Variants in CENPP observed in about 807,000 individuals in gnomAD.
CENPP encodes the protein centromere protein P.
Under a neutral mutation model 35.6 loss-of-function variants are expected in CENPP, and 24 were observed. That is an observed-to-expected ratio of 0.67 (90% CI 0.49 to 0.95). The LOEUF (loss-of-function observed/expected upper bound fraction) is 0.95, where lower values mean the gene tolerates loss of function less well. CENPP is among the 40% of genes least tolerant of loss of function. The pLI is 0.00. For synonymous variants in CENPP, 120 were observed against 125.5 expected (o/e 0.96, Z 0.29); for missense variants, 332 against 345.3 (o/e 0.96, Z 0.31).
chr9:92,386,505 G>C (rs1176690827), intron 5 of CENPP, among the ~76,000 whole-genome samples: 2 of 151,942 alleles, frequency 1.3e-5, no homozygotes, highest in Admixed American at 6.6e-5. Context: ...GATCCTTTAT[G>C]ATGGCCAGTG....
At chr9:92,417,161 T>C (rs1843638927) in intron 5 of CENPP, 1 of 1,613,784 alleles carries the variant, frequency 6.2e-7, no homozygotes, top group African/African-American at 1.3e-5. Flanking sequence ...CACACCATAA[T>C]CAATCTTTTG....
rs1455792362 is a variant in CENPP at position 92,484,649 on chromosome 9, A to T, written c.564+104790A>T. The stretch of plus-strand genomic sequence containing the variant: ...TTCTCTTTAAAAATTAGGCTTTCCC[A>T]GTCTGTGATTTCTGGTTTTGCATGG... On this transcript the variant is annotated intron_variant, in intron 5 of 7. Coordinates refer to ENST00000375587, the MANE Select transcript of CENPP (RefSeq NM_001012267.3). Among the ~76,000 whole-genome samples, 3 of 152,188 alleles carry T rather than the reference A, an allele frequency of 2.0e-5. No individual in the cohort carries two copies. The East Asian group carries it at 5.8e-4, about 29-fold the overall frequency.
Position 92,616,984 on chromosome 9 carries a change from C to T in CENPP, c.*3835C>T, listed in dbSNP as rs965140425. On this transcript the variant is annotated 3_prime_UTR_variant, in exon 8 of 8. Coordinates refer to ENST00000375587, the MANE Select transcript of CENPP (RefSeq NM_001012267.3). ...GAGAGGAAATACTGATCAGCACGTC[C>T]CTGCTCTGACGCTGCTCACCATGGC... 11 of 152,254 alleles carry T rather than the reference C, an allele frequency of 7.2e-5. No individual in the cohort carries two copies. The highest frequency in any genetic ancestry group is 2.7e-4 in the African/African-American group (11 of 41,442). The allele number at this position is 152,254 out of a possible 1,614,324, so 9.4% of individuals were successfully genotyped here. A position where few individuals can be genotyped will look rare whatever the true frequency, so the allele number is the denominator to read the frequency against.
At chr9:92,563,116 A>G (rs1025927221) in intron 5 of CENPP, among the ~76,000 whole-genome samples, 7 of 152,218 alleles carry the variant, frequency 4.6e-5, no homozygotes, top group Non-Finnish European at 5.9e-5. Context: ...TGGCATTTTT[A>G]TAAGAATTGT....
chr9:92,539,574 C>T (rs1849269909), intron 5 of CENPP, among the ~76,000 whole-genome samples: 2 of 151,872 alleles, frequency 1.3e-5, no homozygotes, highest in African/African-American at 2.4e-5. Context: ...GCTTTGAAGG[C>T]TCTTGGTCTT....
intron 5 of CENPP, among the ~76,000 whole-genome samples, chr9:92,595,302 C>T (rs1029533568): frequency 2.6e-5 from 4 of 152,154 alleles, no homozygotes; most frequent in Non-Finnish European, 5.9e-5. Flanking sequence ...AGTGCATTGG[C>T]ACAAACATGG....
At chr9:92,421,840 A>G (rs1457297538) in intron 5 of CENPP, among the ~76,000 whole-genome samples, 1 of 152,160 alleles carries the variant, frequency 6.6e-6, no homozygotes, top group Non-Finnish European at 1.5e-5. Context: ...AGAGGGTAAT[A>G]TCCTTTATAG....
intron 7 of CENPP, 103 bp from the exon 8 acceptor site, chr9:92,612,916 C>T (rs1345912613): frequency 1.3e-5 from 17 of 1,358,994 alleles, no homozygotes; most frequent in Middle Eastern, 2.5e-4. Flanking sequence ...TGCAGCTAGT[C>T]GGGAGGAGTG....
chr9:92,358,955 T>TC (rs369291891), intron 4 of CENPP, among the ~76,000 whole-genome samples: 118 of 149,038 alleles, frequency 7.9e-4, no homozygotes, highest in African/African-American at 2.5e-3. Flanking sequence ...TTTCTTTCTT[T>TC]TTTTTTTTTT....
chr9:92,617,913 G>T lies in CENPP; in HGVS notation c.*4764G>T, dbSNP rs1288801869. 2 of 272,850 alleles carry T rather than the reference G, an allele frequency of 7.3e-6. No homozygotes were observed. The highest frequency in any genetic ancestry group is 4.4e-5 in the African/African-American group (2 of 45,250). The allele number at this position is 272,850 out of a possible 1,614,324, so 16.9% of individuals were successfully genotyped here. On this transcript the variant is annotated 3_prime_UTR_variant, in exon 8 of 8. Coordinates refer to ENST00000375587, the MANE Select transcript of CENPP (RefSeq NM_001012267.3). The stretch of plus-strand genomic sequence containing the variant: ...GGGCAGAAACAGTAGTGCAGAGCTG[G>T]AGAAGCCTTTATTTTAGGGGGTGTA...
chr9:92,556,919 T>C (rs1849736371), intron 5 of CENPP, among the ~76,000 whole-genome samples: 1 of 152,224 alleles, frequency 6.6e-6, no homozygotes. Flanking sequence ...TTTTGTTTTA[T>C]AGGTCCTGTG....
Position 92,534,828 on chromosome 9 carries a change from A to G in CENPP, c.565-76486A>G, listed in dbSNP as rs377351577. 3.3e-4 allele frequency among the ~76,000 whole-genome samples: 50 copies of G among 152,308 alleles called. No individual in the cohort carries two copies. The South Asian group carries it at 8.9e-3, about 27-fold the overall frequency. ...ATCATAAGTGCTCTGCAATGCATGA[A>G]ATGTATACATTGAAATTTTCTTGCA... On this transcript the variant is annotated intron_variant, in intron 5 of 7. Transcript: ENST00000375587.
rs1440971012 is a variant in CENPP, at chr9:92,345,685, T to C, written c.379-14T>C. The C allele has an allele frequency of 6.8e-7, 1 of 1,460,394 alleles. No individual in the cohort carries two copies. The highest frequency in any genetic ancestry group is 9.5e-7 in the Non-Finnish European group (1 of 1,052,514). 90.5% of individuals were successfully genotyped at this position (1,460,394 alleles called of 1,614,324 possible). On this transcript the variant is annotated splice_polypyrimidine_tract_variant and intron_variant, in intron 3 of 7. Coordinates refer to ENST00000375587, the MANE Select transcript of CENPP (RefSeq NM_001012267.3). ...TACTGTGCTTTGATACAGAAATTTT[T>C]ATCTTTATTTTAGAATAAGGAGAGA...
Position 92,541,863 on chromosome 9 carries a change from G to A in CENPP, c.565-69451G>A, listed in dbSNP as rs571270843. 3.3e-5 allele frequency among the ~76,000 whole-genome samples: 5 copies of A among 151,936 alleles called. No homozygotes were observed. The South Asian group carries it at 8.3e-4, about 25-fold the overall frequency. ...GGCTAGAGTGCAGTGGTGCAATCTC[G>A]GCTCACTGCAACCTCCGCCTCCCAG... On this transcript the variant is annotated intron_variant, in intron 5 of 7. Transcript: ENST00000375587.
At chr9:92,549,291 A>G (rs1451966089) in intron 5 of CENPP, among the ~76,000 whole-genome samples, 1 of 152,178 alleles carries the variant, frequency 6.6e-6, no homozygotes, top group Non-Finnish European at 1.5e-5. Context: ...TCTCATAACC[A>G]AAACTGTCCA....
chr9:92,367,520 C>T (rs1382483891), intron 4 of CENPP, among the ~76,000 whole-genome samples: 1 of 152,098 alleles, frequency 6.6e-6, no homozygotes, highest in Non-Finnish European at 1.5e-5. Flanking sequence ...CAGAATGCCT[C>T]CTTATCCCTA....
At position 92,613,076 on chromosome 9, in the gene CENPP, T is replaced by G; in HGVS notation, c.794T>G (p.Leu265Arg). 1 of 1,614,180 alleles carries G rather than the reference T, an allele frequency of 6.2e-7. No homozygotes were observed. Among genetic ancestry groups the G allele is most frequent in the South Asian group, 1.1e-5 (1 of 91,080 alleles). Residue 265 changes from leucine to arginine, a missense_variant, in exon 8 of 8, where the codon CTG (leucine) becomes CGG (arginine). By Grantham distance (102) the Leu-to-Arg change is moderately radical. Transcript: ENST00000375587. ...IETAPLSFRTLVGLLGIEAAL... is the reference protein window; with the variant it reads ...IETAPLSFRTRVGLLGIEAAL... ...ACTGCTCCTCTCAGCTTCCGAACCC[T>G]GGTAGGACTGCTTGGAATCGAAGCT...
At chr9:92,581,590 G>A (rs1850427296) in intron 5 of CENPP, among the ~76,000 whole-genome samples, 1 of 152,128 alleles carries the variant, frequency 6.6e-6, no homozygotes, top group Non-Finnish European at 1.5e-5. Context: ...CCTATACCCA[G>A]CAAATACTGT....
intron 4 of CENPP, among the ~76,000 whole-genome samples, chr9:92,357,180 C>T (rs1841611338): frequency 6.6e-6 from 1 of 151,580 alleles, no homozygotes; most frequent in South Asian, 2.1e-4. Context: ...CATGTATTTA[C>T]CTTTATTGAG....
Sources: allele counts gnomAD v4.1 joint callset (sites outside exome capture counted in the v4.1 genomes callset), GRCh38; gene constraint gnomAD v4.1.1; transcripts MANE v1.5; gene names NCBI Gene and HGNC (gene_info 2026-07-23, HGNC 2026-07-21).